The following CTNNA1 variants were observed in gnomAD, a reference collection of about 807,000 sequenced individuals.
CTNNA1 encodes catenin alpha-1.
In CTNNA1, 37 loss-of-function variants were observed where a neutral mutation model predicts 98.4. The ratio of observed to expected loss-of-function variants is 0.38; its 90% CI spans 0.29 to 0.49. The LOEUF is 0.49. CTNNA1 is among the 20% of genes least tolerant of loss of function. CTNNA1 has a pLI of 0.95. For synonymous variants in CTNNA1, 404 were observed against 413.2 expected, an observed-to-expected ratio of 0.98 and a Z score of 0.27; for missense variants, 761 against 1,147.2, an observed-to-expected ratio of 0.66 and a Z score of 4.86.
At chr5:138,889,116 G>A (rs760100639) in intron 9 of CTNNA1, among the ~76,000 whole-genome samples, 47 of 152,104 alleles carry the variant, frequency 3.1e-4, no homozygotes, top group Non-Finnish European at 4.9e-4. Context: ...CACAGATTGC[G>A]CTCAGGAAGC....
In CTNNA1 at chr5:138,910,416, T is replaced by C. The variant is rs183362936; in HGVS notation, c.1389+5975T>C. 2.4e-4 allele frequency among the ~76,000 whole-genome samples: 36 copies of C among 151,956 alleles called. 1 individual carries two copies. Among genetic ancestry groups the C allele is most frequent in the Admixed American group, 3.9e-4 (6 of 15,276 alleles). On this transcript the variant is annotated intron_variant, in intron 10 of 17. Transcript: ENST00000302763. ...TTAATAGACAGGGATATTTAGGGTT[T>C]TTTTAATTCTTGAGTGAGCTTTGGT... is the stretch of plus-strand genomic sequence containing the variant.
At chr5:138,843,787 C>CT (rs1469358531) in intron 7 of CTNNA1, among the ~76,000 whole-genome samples, 3 of 152,162 alleles carry the variant, frequency 2.0e-5, no homozygotes, top group Non-Finnish European at 4.4e-5. Context: ...TGTATGGCCG[C>CT]TTCTAGGGGC....
chr5:138,814,713 G>GT (rs1399016714), intron 5 of CTNNA1, among the ~76,000 whole-genome samples: 16 of 152,094 alleles, frequency 1.1e-4, no homozygotes. Context: ...TGCCACTATT[G>GT]TGCATCATTG....
chr5:138,875,643 C>G, intron 7 of CTNNA1: 1 of 985,338 alleles, frequency 1.0e-6, no homozygotes, highest in Non-Finnish European at 1.2e-6. Context: ...TTGTGAGAGC[C>G]AGTGTTAGAC....
intron 10 of CTNNA1, 64 bp from the exon 11 acceptor site, chr5:138,917,678 T>A: frequency 2.6e-6 from 4 of 1,544,460 alleles, no homozygotes; most frequent in Non-Finnish European, 3.5e-6. Flanking sequence ...CCTAGTGAAA[T>A]GCATGTAAGA....
chr5:138,796,938 A>G (rs1404648670), intron 3 of CTNNA1, among the ~76,000 whole-genome samples: 2 of 150,340 alleles, frequency 1.3e-5, no homozygotes, highest in Non-Finnish European at 3.0e-5. Context: ...GTAACCATTG[A>G]ATCTTCTTCC....
At chr5:138,838,906 C>T (rs1479327198) in intron 7 of CTNNA1, among the ~76,000 whole-genome samples, 3 of 152,140 alleles carry the variant, frequency 2.0e-5, no homozygotes, top group Admixed American at 6.5e-5. Context: ...GCTGGGATTA[C>T]AGGCGTGAGC....
intron 9 of CTNNA1, among the ~76,000 whole-genome samples, chr5:138,888,873 A>C (rs1044603707): frequency 6.6e-6 from 1 of 152,164 alleles, no homozygotes; most frequent in African/African-American, 2.4e-5. Flanking sequence ...TTTTCCGAGG[A>C]AGACACCAGT....
At chr5:138,868,726 C>A (rs1364911042) in intron 7 of CTNNA1, among the ~76,000 whole-genome samples, 1 of 152,160 alleles carries the variant, frequency 6.6e-6, no homozygotes, top group African/African-American at 2.4e-5. Context: ...TTACTTTCTT[C>A]TTATCCTAGT....
At chr5:138,930,749 C>T in intron 15 of CTNNA1, 81 bp from the exon 16 acceptor site, 1 of 1,531,100 alleles carries the variant, frequency 6.5e-7, no homozygotes, top group Non-Finnish European at 9.0e-7. Context: ...GGCCATGGGG[C>T]TTTGTGGACA....
chr5:138,882,175 G>A (rs539952981), intron 7 of CTNNA1, among the ~76,000 whole-genome samples: 4 of 152,354 alleles, frequency 2.6e-5, no homozygotes, highest in African/African-American at 9.6e-5. Flanking sequence ...AGATGGTGTG[G>A]TAGCATTCTG....
At position 138,873,736 on chromosome 5, in the gene CTNNA1, C is replaced by A; in HGVS notation, c.1063-12476C>A. The A allele has an allele frequency of 6.2e-7, 1 of 1,614,004 alleles. No individual in the cohort carries two copies. The highest frequency in any genetic ancestry group is 1.3e-5 in the African/African-American group (1 of 75,050). ...TGAGGAGTATTTTAAGATTGGGCATCGTTTCAAACACTGTCAAGTCGATGG... is the reference window on the plus strand; with the variant it reads ...TGAGGAGTATTTTAAGATTGGGCATAGTTTCAAACACTGTCAAGTCGATGG... On this transcript the variant is annotated intron_variant, in intron 7 of 17. Coordinates refer to ENST00000302763, the MANE Select transcript of CTNNA1 (RefSeq NM_001903.5). This position sits in a 1 kb window ranked among gnomAD's most constrained non-coding sequence, Gnocchi z 6.1.
At chr5:138,888,082 C>T (rs1015499848) in intron 9 of CTNNA1, among the ~76,000 whole-genome samples, 1 of 152,114 alleles carries the variant, frequency 6.6e-6, no homozygotes, top group Non-Finnish European at 1.5e-5. Flanking sequence ...TTTTGAGGAC[C>T]TAAAAAGATG....
chr5:138,925,498 G>A (rs926778623), intron 13 of CTNNA1, 91 bp downstream of exon 13: 18 of 1,479,992 alleles, frequency 1.2e-5, no homozygotes, highest in Middle Eastern at 1.8e-4. Context: ...CGGCAGATGC[G>A]GTGGCAGTAT....
chr5:138,814,856 C>G (rs551036269), intron 5 of CTNNA1, among the ~76,000 whole-genome samples: 1 of 152,040 alleles, frequency 6.6e-6, no homozygotes, highest in African/African-American at 2.4e-5. Context: ...TGGGTTCAAG[C>G]TATTCTCTTG....
intron 7 of CTNNA1, among the ~76,000 whole-genome samples, chr5:138,876,255 T>C (rs1751486623): frequency 2.0e-5 from 3 of 152,154 alleles, no homozygotes; most frequent in African/African-American, 7.2e-5. Context: ...GACACTGAAA[T>C]AATAGAGCAT....
chr5:138,779,381 T>C (rs191663222), intron 1 of CTNNA1, among the ~76,000 whole-genome samples: 53 of 152,314 alleles, frequency 3.5e-4, no homozygotes, highest in African/African-American at 1.2e-3. Context: ...TTACAGTCAT[T>C]ATTCTCTTTG....
At chr5:138,776,061 T>A (rs1210917384) in intron 1 of CTNNA1, among the ~76,000 whole-genome samples, 97 of 148,766 alleles carry the variant, frequency 6.5e-4, no homozygotes, top group African/African-American at 2.3e-3. Flanking sequence ...TTTTTTTTTT[T>A]TTATTGATCA....
chr5:138,895,350 A>G (rs1756542488), intron 9 of CTNNA1, among the ~76,000 whole-genome samples: 1 of 152,200 alleles, frequency 6.6e-6, no homozygotes, highest in African/African-American at 2.4e-5. Context: ...TATGTGTAAC[A>G]TTTGCACAAA....
Sources: allele counts gnomAD v4.1 joint callset (sites outside exome capture counted in the v4.1 genomes callset), GRCh38; gene constraint gnomAD v4.1.1; non-coding constraint Gnocchi (gnomAD v3.1); transcripts MANE v1.5; gene names NCBI Gene and HGNC (gene_info 2026-07-23, HGNC 2026-07-21).